NRXN1: variants seen among roughly 807,000 people sequenced by gnomAD.
The protein encoded by NRXN1 is neurexin-1.
NRXN1 carries 39 observed loss-of-function variants against 150.9 expected under a neutral mutation model. The observed-to-expected ratio is 0.26, with a 90% CI of 0.20 to 0.34. The LOEUF is 0.34. NRXN1 is among the 10% of genes least tolerant of loss of function. The pLI, the probability that NRXN1 is intolerant of heterozygous loss-of-function variation, is 1.00. For missense variants in NRXN1, 1,815 were observed against 1,949.9 expected (o/e 0.93, Z 1.30); for synonymous variants, 924 against 757.0 (o/e 1.22, Z -3.62).
intron 18 of NRXN1, among the ~76,000 whole-genome samples, chr2:50,127,224 A>C (rs1190081581): frequency 6.6e-6 from 1 of 152,166 alleles, no homozygotes; most frequent in African/African-American, 2.4e-5. Flanking sequence ...GGAATCTTAA[A>C]AGGGCAAGGT....
intron 2 of NRXN1, among the ~76,000 whole-genome samples, chr2:50,948,252 A>G (rs1690725757): frequency 6.6e-6 from 1 of 151,990 alleles, no homozygotes; most frequent in Admixed American, 6.6e-5. Flanking sequence ...TTAATCATCA[A>G]ACGTCCATTA....
chr2:51,021,115 G>C (rs966176847), intron 2 of NRXN1, among the ~76,000 whole-genome samples: 5 of 151,858 alleles, frequency 3.3e-5, no homozygotes, highest in Non-Finnish European at 7.4e-5. Flanking sequence ...AACAAAAAAA[G>C]TATAAGATTT....
intron 17 of NRXN1, among the ~76,000 whole-genome samples, chr2:50,263,455 T>C (rs114412381): frequency 0.024 from 3,633 of 152,170 alleles, 142 homozygotes; most frequent in African/African-American, 0.082. Flanking sequence ...ATTATTTTTA[T>C]ATAGGTAGCT....
intron 5 of NRXN1, among the ~76,000 whole-genome samples, chr2:50,879,912 G>A (rs748711331): frequency 1.3e-5 from 2 of 151,842 alleles, no homozygotes; most frequent in Non-Finnish European, 2.9e-5. Context: ...GGCAGGCTCC[G>A]AGTCCTGCCA....
intron 8 of NRXN1, among the ~76,000 whole-genome samples, chr2:50,557,849 TA>T (rs750794099): frequency 1.1e-4 from 16 of 152,212 alleles, no homozygotes; most frequent in Non-Finnish European, 1.8e-4. Context: ...GGGAATTAAA[TA>T]GTGCTGAGAC....
intron 17 of NRXN1, among the ~76,000 whole-genome samples, chr2:50,297,610 A>G (rs780669021): frequency 9.9e-5 from 15 of 152,216 alleles, no homozygotes; most frequent in Non-Finnish European, 1.8e-4. Context: ...TCACTCTGCC[A>G]TAATATTTCA....
At chr2:50,492,555 T>G (rs1160619700) in intron 15 of NRXN1, among the ~76,000 whole-genome samples, 1 of 152,146 alleles carries the variant, frequency 6.6e-6, no homozygotes, top group Non-Finnish European at 1.5e-5. Context: ...CTGTGGAATT[T>G]TAGATGTCTG....
chr2:50,648,640 G>A (rs1423135401), intron 5 of NRXN1, among the ~76,000 whole-genome samples: 8 of 151,930 alleles, frequency 5.3e-5, no homozygotes, highest in Non-Finnish European at 1.0e-4. Flanking sequence ...GGTCTGATAG[G>A]CATCTCTGTG....
chr2:49,923,292 T>C (rs1350797766), intron 22 of NRXN1, among the ~76,000 whole-genome samples: 2 of 152,190 alleles, frequency 1.3e-5, no homozygotes, highest in Non-Finnish European at 2.9e-5. Flanking sequence ...GAAGATTCTA[T>C]CCTACTCTGA....
intron 8 of NRXN1, among the ~76,000 whole-genome samples, chr2:50,594,703 T>A (rs568791219): frequency 1.3e-5 from 2 of 152,118 alleles, no homozygotes; most frequent in Non-Finnish European, 2.9e-5. Flanking sequence ...ACATTTAAAT[T>A]TTAGTTATTG....
At chr2:50,003,631 C>G (rs1431199178) in intron 21 of NRXN1, among the ~76,000 whole-genome samples, 1 of 152,064 alleles carries the variant, frequency 6.6e-6, no homozygotes, top group Non-Finnish European at 1.5e-5. Flanking sequence ...AACCGATGTG[C>G]CTTTTTGCTT....
chr2:50,422,982 G>A (rs1054829954), intron 17 of NRXN1, among the ~76,000 whole-genome samples: 9 of 152,112 alleles, frequency 5.9e-5, no homozygotes, highest in Non-Finnish European at 1.2e-4. Flanking sequence ...CATGGAAAAC[G>A]TTTTGCTGGC....
chr2:50,522,937 C>CGT (rs1558876864), intron 12 of NRXN1, among the ~76,000 whole-genome samples: 1 of 150,798 alleles, frequency 6.6e-6, no homozygotes, highest in Non-Finnish European at 1.5e-5. Flanking sequence ...TTTCACCATG[C>CGT]TGGTCAGGCT....
intron 5 of NRXN1, among the ~76,000 whole-genome samples, chr2:50,845,506 T>A (rs1008789306): frequency 3.3e-5 from 5 of 152,212 alleles, no homozygotes; most frequent in Non-Finnish European, 7.3e-5. Flanking sequence ...AATGACTTAC[T>A]TTCTTCATGG....
intron 17 of NRXN1, among the ~76,000 whole-genome samples, chr2:50,274,173 A>T (rs917093681): frequency 3.3e-5 from 5 of 152,234 alleles, no homozygotes; most frequent in South Asian, 2.1e-4. Context: ...TGGCACATAT[A>T]CACCATGGAA....
At chr2:50,264,849 A>G (rs2068674924) in intron 17 of NRXN1, among the ~76,000 whole-genome samples, 2 of 152,094 alleles carry the variant, frequency 1.3e-5, no homozygotes, top group South Asian at 4.1e-4. Flanking sequence ...TCATATCAAG[A>G]CCACACATCT....
At chr2:50,047,392 A>G (rs986286263) in intron 21 of NRXN1, among the ~76,000 whole-genome samples, 1 of 152,006 alleles carries the variant, frequency 6.6e-6, no homozygotes, top group African/African-American at 2.4e-5. Flanking sequence ...TTCTGATTTA[A>G]TTAGCAAAAT....
chr2:50,989,344 T>C (rs1205511146), intron 2 of NRXN1, among the ~76,000 whole-genome samples: 2 of 151,952 alleles, frequency 1.3e-5, no homozygotes, highest in Non-Finnish European at 2.9e-5. Flanking sequence ...ATAATTTACA[T>C]ACAGCAAAAA....
intron 18 of NRXN1, among the ~76,000 whole-genome samples, chr2:50,216,113 A>G (rs2063380338): frequency 6.6e-6 from 1 of 151,930 alleles, no homozygotes. Context: ...CCTAACACTT[A>G]GGGAGGCTGA....
Sources: allele counts gnomAD v4.1 joint callset (sites outside exome capture counted in the v4.1 genomes callset), GRCh38; gene constraint gnomAD v4.1.1; transcripts MANE v1.5; gene names NCBI Gene and HGNC (gene_info 2026-07-23, HGNC 2026-07-21).